NEO1: variants seen among roughly 807,000 people sequenced by gnomAD.
The protein encoded by NEO1 is neogenin 1, also known as neogenin.
A neutral mutation model predicts 159.7 loss-of-function variants in NEO1; 63 were observed. The ratio of observed to expected loss-of-function variants is 0.39; its 90% CI spans 0.32 to 0.49. The LOEUF (loss-of-function observed/expected upper bound fraction) is 0.49, where lower values mean the gene tolerates loss of function less well. Ranked by LOEUF, NEO1 falls within the 20% of genes least tolerant of loss-of-function variation. The pLI is 0.85. For missense variants in NEO1, 1,615 were observed against 1,831.0 expected (o/e 0.88, Z 2.15); for synonymous variants, 633 against 662.0 (o/e 0.96, Z 0.67).
At chr15:73,123,438 C>T (rs2071787502) in intron 3 of NEO1, among the ~76,000 whole-genome samples, 1 of 152,122 alleles carries the variant, frequency 6.6e-6, no homozygotes. Flanking sequence ...ATCAGAGACC[C>T]ATCCAGGCTA....
intron 1 of NEO1, among the ~76,000 whole-genome samples, chr15:73,103,163 G>A (rs1454930726): frequency 6.6e-6 from 1 of 152,106 alleles, no homozygotes; most frequent in Non-Finnish European, 1.5e-5. Context: ...TTCCCAACTG[G>A]TTTCCCTATC....
intron 1 of NEO1, among the ~76,000 whole-genome samples, chr15:73,111,156 C>A (rs1321015457): frequency 6.6e-6 from 1 of 152,150 alleles, no homozygotes; most frequent in Non-Finnish European, 1.5e-5. Context: ...GTTAACTGTT[C>A]AGTGTTTGTT....
chr15:73,249,157 A>G lies in NEO1; in HGVS notation c.1704A>G (p.Glu568=), dbSNP rs1272954569. The G allele has an allele frequency of 1.2e-6, 2 of 1,614,100 alleles. No homozygotes were observed. The highest frequency in any genetic ancestry group is 8.5e-7 in the Non-Finnish European group (1 of 1,179,948). ...AAACACCAGTGTCTGGCAATGGGGA[A>G]ATTCAGAATTATAAATTGTACTACA... The part of the protein sequence containing the change: ...TWETPVSGNG[E]IQNYKLYYME... The change falls in exon 10 of 29, where the codon GAA becomes GAG. Residue 568 remains glutamate (E), a synonymous_variant. Coordinates refer to ENST00000261908, the MANE Select transcript of NEO1 (RefSeq NM_002499.4).
Position 73,061,649 on chromosome 15 carries a change from A to G in NEO1, c.130+8844A>G, listed in dbSNP as rs188471245. Among the ~76,000 whole-genome samples the G allele has an allele frequency of 1.8e-3, 272 of 152,370 alleles. 2 individuals are homozygous for G. Among genetic ancestry groups the G allele is most frequent in the Middle Eastern group, 3.4e-3 (1 of 294 alleles). On this transcript the variant is annotated intron_variant, in intron 1 of 28. Transcript: ENST00000261908. ...AATTGTTGAATTTTTATTGTTAAAA[A>G]TGTAACAGTTCATACTATGTAAAAT...
chr15:73,157,993 A>T (rs1420306999), intron 5 of NEO1, among the ~76,000 whole-genome samples: 1 of 152,066 alleles, frequency 6.6e-6, no homozygotes, highest in African/African-American at 2.4e-5. Context: ...AGACAAGAGG[A>T]TCGCTTGAGG....
intron 25 of NEO1, among the ~76,000 whole-genome samples, chr15:73,292,418 G>T (rs773691402): frequency 6.6e-6 from 1 of 152,156 alleles, no homozygotes; most frequent in African/African-American, 2.4e-5. Context: ...TGCCTGTTTG[G>T]TGGGGGTAGA....
intron 22 of NEO1, among the ~76,000 whole-genome samples, chr15:73,281,369 C>T (rs960413853): frequency 3.8e-4 from 57 of 151,590 alleles, no homozygotes; most frequent in African/African-American, 1.3e-3. Context: ...ATTCTGCTGC[C>T]TCAGCCTCCT....
At chr15:73,087,663 T>A (rs1021711027) in intron 1 of NEO1, among the ~76,000 whole-genome samples, 3 of 152,206 alleles carry the variant, frequency 2.0e-5, no homozygotes, top group Non-Finnish European at 4.4e-5. Context: ...CAGAATAATG[T>A]AATTGTAGAA....
intron 3 of NEO1, among the ~76,000 whole-genome samples, chr15:73,124,137 G>T (rs768425281): frequency 1.3e-5 from 2 of 152,202 alleles, no homozygotes; most frequent in African/African-American, 2.4e-5. Context: ...ATCTTGGTTC[G>T]CTGCAGCCTT....
At chr15:73,114,692 A>G (rs182461366) in intron 1 of NEO1, among the ~76,000 whole-genome samples, 9 of 152,320 alleles carry the variant, frequency 5.9e-5, no homozygotes, top group Non-Finnish European at 1.2e-4. Context: ...TTTGAAATAG[A>G]ATGTATTTTA....
At chr15:73,080,437 T>G (rs1025199696) in intron 1 of NEO1, among the ~76,000 whole-genome samples, 25 of 152,320 alleles carry the variant, frequency 1.6e-4, no homozygotes, top group African/African-American at 5.5e-4. Context: ...ATAGACCTCT[T>G]CTAGGATCTG....
intron 7 of NEO1, among the ~76,000 whole-genome samples, chr15:73,220,287 C>T (rs1040921439): frequency 3.7e-4 from 57 of 152,086 alleles, no homozygotes; most frequent in Admixed American, 2.0e-3. Flanking sequence ...GAGTTTCTGC[C>T]GAGAGATCCA....
intron 1 of NEO1, among the ~76,000 whole-genome samples, chr15:73,085,234 C>A (rs1313907857): frequency 6.6e-6 from 1 of 152,082 alleles, no homozygotes; most frequent in Non-Finnish European, 1.5e-5. Flanking sequence ...TCTTTTGGGG[C>A]TGGCTTCTTT....
intron 21 of NEO1, among the ~76,000 whole-genome samples, chr15:73,276,166 A>G (rs1358470598): frequency 6.6e-6 from 1 of 152,166 alleles, no homozygotes; most frequent in Non-Finnish European, 1.5e-5. Flanking sequence ...TAGCTGCCTG[A>G]CACCTCTGGT....
At chr15:73,244,807 C>T (rs1335181980) in intron 9 of NEO1, among the ~76,000 whole-genome samples, 2 of 151,038 alleles carry the variant, frequency 1.3e-5, no homozygotes, top group South Asian at 2.1e-4. Flanking sequence ...AAAAATTAGC[C>T]GGGTATGGTA....
At chr15:73,149,610 G>GA (rs141119195) in intron 5 of NEO1, among the ~76,000 whole-genome samples, 49,346 of 151,542 alleles carry the variant, frequency 0.33, 9,594 homozygotes, top group Admixed American at 0.45. Flanking sequence ...AAAGTAGAAG[G>GA]AAAAAAAAGA....
Position 73,270,351 on chromosome 15 carries a change from T to A in NEO1, c.2754T>A (p.Thr918=). The change falls in exon 18 of 29, where the codon ACT becomes ACA. Residue 918 remains threonine, a synonymous_variant. Transcript: ENST00000261908. The stretch of plus-strand genomic sequence containing the variant: ...CAACCACTTTGAGTTATTTGGTGAC[T>A]GGTTTAAAGCCGAATACACTCTATG... ...ANATTLSYLV[T]GLKPNTLYEF... is the part of the protein sequence containing the mutation. The A allele has an allele frequency of 6.2e-7, 1 of 1,614,218 alleles. No individual in the cohort carries two copies. The highest frequency in any genetic ancestry group is 8.5e-7 in the Non-Finnish European group (1 of 1,180,038).
At chr15:73,186,220 T>A (rs1033037238) in intron 7 of NEO1, among the ~76,000 whole-genome samples, 2 of 150,540 alleles carry the variant, frequency 1.3e-5, no homozygotes, top group African/African-American at 2.4e-5. Context: ...GTTTTTAGTT[T>A]AAAAAAAAAT....
chr15:73,229,458 T>C (rs2038787918), intron 7 of NEO1, among the ~76,000 whole-genome samples: 1 of 151,750 alleles, frequency 6.6e-6, no homozygotes, highest in South Asian at 2.1e-4. Context: ...GTTGTTTTTT[T>C]TTTTTTCAGT....
Sources: gnomAD v4.1 joint callset for allele counts (sites outside exome capture counted in the v4.1 genomes callset) on GRCh38, gnomAD v4.1.1 for gene constraint, MANE v1.5 for transcripts, NCBI Gene and HGNC (gene_info 2026-07-23, HGNC 2026-07-21) for gene names.